The following DOCK5 variants were observed in gnomAD, a reference collection of about 807,000 sequenced individuals.
DOCK5 encodes the protein dedicator of cytokinesis protein 5.
In DOCK5, 142 loss-of-function variants were observed where a neutral mutation model predicts 251.8. The ratio of observed to expected loss-of-function variants is 0.56; its 90% CI spans 0.49 to 0.65. DOCK5 has a LOEUF of 0.65. Ranked by LOEUF, DOCK5 falls within the 30% of genes least tolerant of loss-of-function variation. The pLI is 0.00. For synonymous variants in DOCK5, 842 were observed against 835.5 expected, an observed-to-expected ratio of 1.01 and a Z score of -0.13; for missense variants, 2,111 against 2,312.3, an observed-to-expected ratio of 0.91 and a Z score of 1.79.
intron 36 of DOCK5, 96 bp from the exon 37 acceptor site, chr8:25,374,467 AG>A (rs920087586): frequency 2.6e-6 from 3 of 1,159,928 alleles, no homozygotes; most frequent in Admixed American, 2.2e-5. Flanking sequence ...TGCATACTGC[AG>A]CCTGGGCAAT....
intron 2 of DOCK5, among the ~76,000 whole-genome samples, chr8:25,256,890 C>CTTT (rs35214715): frequency 2.1e-5 from 3 of 142,940 alleles, no homozygotes; most frequent in African/African-American, 7.7e-5. Context: ...TTCTTCTTGA[C>CTTT]TTTTTTTTTT....
At chr8:25,303,678 C>T (rs778614392) in intron 10 of DOCK5, among the ~76,000 whole-genome samples, 2 of 152,070 alleles carry the variant, frequency 1.3e-5, no homozygotes, top group Non-Finnish European at 2.9e-5. Flanking sequence ...TTTAGCAACT[C>T]GGGCGGGGCA....
intron 26 of DOCK5, among the ~76,000 whole-genome samples, chr8:25,346,493 T>G (rs1297606948): frequency 6.6e-6 from 1 of 152,060 alleles, no homozygotes; most frequent in African/African-American, 2.4e-5. Flanking sequence ...TTTCTCATCT[T>G]GCGTTTTCTC....
At position 25,308,625 on chromosome 8, in the gene DOCK5, T is replaced by C. The variant is rs968353695; in HGVS notation, c.1050-158T>C. On this transcript the variant is annotated intron_variant, in intron 11 of 51. Coordinates refer to ENST00000276440, the MANE Select transcript of DOCK5 (RefSeq NM_024940.8). ...TCCAAGGTGAATTTAGTATTTAAGA[T>C]GACACAAAATGGAAAAATAAAGGAA... 3.5e-6 allele frequency: 3 copies of C among 849,982 alleles called. No homozygotes were observed. The Admixed American group carries it at 9.2e-5, about 26-fold the overall frequency. 52.7% of individuals were successfully genotyped at this position (849,982 alleles called of 1,614,324 possible). A position where few individuals can be genotyped will look rare whatever the true frequency, so the allele number is the denominator to read the frequency against.
chr8:25,385,156 G>C (rs1246662346), intron 40 of DOCK5, among the ~76,000 whole-genome samples: 1 of 152,152 alleles, frequency 6.6e-6, no homozygotes, highest in Non-Finnish European at 1.5e-5. Flanking sequence ...CCCTGGAAGA[G>C]CCTGCAGGGC....
Position 25,403,593 on chromosome 8 carries a change from G to A in DOCK5, c.4962G>A (p.Thr1654=), listed in dbSNP as rs772479610. The part of the protein sequence containing the change: ...PNLTERKQSR[T]GSIVLPYIMS... ...TGACGGAGAGGAAGCAAAGCCGCAC[G>A]GGGTCTATTGTGCTCCCCTACATCA... Residue 1654 remains threonine (T), a synonymous_variant, in exon 48 of 52, where the codon ACG becomes ACA. Transcript: ENST00000276440. 15 of 1,613,794 alleles carry A rather than the reference G, an allele frequency of 9.3e-6. No homozygotes were observed. Among genetic ancestry groups the A allele is most frequent in the Non-Finnish European group, 1.2e-5 (14 of 1,179,864 alleles).
Position 25,184,818 on chromosome 8 carries a change from TGGGGCACGCAGGAGCGC to T in DOCK5, c.-85_-69del. On this transcript the variant is annotated 5_prime_UTR_variant, in exon 1 of 52. It removes the in-frame stop codon of an upstream open reading frame in the 5' UTR. Transcript: ENST00000276440. ...TTTGGCGGAACATGGCGGAAGCGTC[TGGGGCACGCAGGAGCGC>T]GGGGCGGCGGCGGCCGGAGCCCGAG... 1 of 1,169,608 alleles carries T rather than the reference TGGGGCACGCAGGAGCGC, an allele frequency of 8.5e-7. No individual in the cohort carries two copies. The highest frequency in any genetic ancestry group is 1.1e-6 in the Non-Finnish European group (1 of 919,010). The allele number at this position is 1,169,608 out of a possible 1,614,324, so 72.5% of individuals were successfully genotyped here.
At chr8:25,340,347 G>A (rs964011409) in intron 22 of DOCK5, among the ~76,000 whole-genome samples, 1 of 152,222 alleles carries the variant, frequency 6.6e-6, no homozygotes, top group Non-Finnish European at 1.5e-5. Flanking sequence ...GTGTATTTGA[G>A]TGTGTGCATG....
chr8:25,284,323 C>T (rs577402725), intron 5 of DOCK5, among the ~76,000 whole-genome samples: 2 of 152,332 alleles, frequency 1.3e-5, no homozygotes, highest in African/African-American at 4.8e-5. Flanking sequence ...CCCCTCACAA[C>T]TCTGCTCCTA....
At chr8:25,331,993 T>C (rs1418504556) in intron 18 of DOCK5, among the ~76,000 whole-genome samples, 1 of 152,162 alleles carries the variant, frequency 6.6e-6, no homozygotes, top group Non-Finnish European at 1.5e-5. Flanking sequence ...ATGTCATTAT[T>C]TGAGAAATGT....
At chr8:25,383,969 T>G (rs1328122898) in intron 40 of DOCK5, among the ~76,000 whole-genome samples, 3 of 152,194 alleles carry the variant, frequency 2.0e-5, no homozygotes, top group Non-Finnish European at 4.4e-5. Flanking sequence ...ACAAAAAATG[T>G]ACAGGAATAT....
intron 38 of DOCK5, among the ~76,000 whole-genome samples, chr8:25,378,505 A>C (rs1475498248): frequency 3.3e-5 from 5 of 152,218 alleles, no homozygotes. Flanking sequence ...GGCTCTGCAC[A>C]CATTTCCTCA....
At chr8:25,406,813 A>C (rs1801531396) in intron 48 of DOCK5, among the ~76,000 whole-genome samples, 1 of 151,926 alleles carries the variant, frequency 6.6e-6, no homozygotes, top group East Asian at 1.9e-4. Flanking sequence ...TTCTTAGTAG[A>C]GACGAGGTTT....
At chr8:25,378,293 C>T (rs1342149792) in intron 38 of DOCK5, among the ~76,000 whole-genome samples, 2 of 152,156 alleles carry the variant, frequency 1.3e-5, no homozygotes, top group Non-Finnish European at 2.9e-5. Context: ...CAAAGACACT[C>T]TTATTATTTG....
chr8:25,350,206 C>T (rs1250632019), intron 26 of DOCK5, among the ~76,000 whole-genome samples: 3 of 151,948 alleles, frequency 2.0e-5, no homozygotes, highest in African/African-American at 7.3e-5. Flanking sequence ...ACAGTCTTTG[C>T]CAGTTAAATT....
intron 2 of DOCK5, among the ~76,000 whole-genome samples, chr8:25,258,169 A>G (rs1277241360): frequency 6.6e-6 from 1 of 151,800 alleles, no homozygotes; most frequent in Non-Finnish European, 1.5e-5. Context: ...AAATTTGGAT[A>G]TATCATCTCT....
At chr8:25,370,998 A>C (rs1800863365) in intron 34 of DOCK5, among the ~76,000 whole-genome samples, 1 of 151,724 alleles carries the variant, frequency 6.6e-6, no homozygotes, top group African/African-American at 2.4e-5. Context: ...GGTTGTAACT[A>C]CTCTAGACCA....
rs1263700246 is a variant in DOCK5, at chr8:25,210,092, C to T, written c.43+25141C>T. 1.9e-3 allele frequency among the ~76,000 whole-genome samples: 61 copies of T among 32,224 alleles called. 19 individuals are homozygous for T. The highest frequency in any genetic ancestry group is 3.3e-3 in the African/African-American group (52 of 15,672). The allele number at this position is 32,224 out of a possible 152,430, so 21.1% of individuals were successfully genotyped here. Reference sequence around the variant, plus strand: ...TGTATCTGTCTATTTATCTATCTATCTATCTATCTATCTATCTATCTATCT... The same window carrying T: ...TGTATCTGTCTATTTATCTATCTATTTATCTATCTATCTATCTATCTATCT... On this transcript the variant is annotated intron_variant, in intron 1 of 51. Transcript: ENST00000276440.
chr8:25,378,907 G>T (rs1014418106), intron 38 of DOCK5, among the ~76,000 whole-genome samples: 6 of 152,204 alleles, frequency 3.9e-5, no homozygotes, highest in Non-Finnish European at 7.3e-5. Flanking sequence ...CAGCTGGGCT[G>T]CCGGGGGCGA....
Sources: allele counts gnomAD v4.1 joint callset (sites outside exome capture counted in the v4.1 genomes callset), GRCh38; gene constraint gnomAD v4.1.1; transcripts MANE v1.5; gene names NCBI Gene and HGNC (gene_info 2026-07-23, HGNC 2026-07-21).